EHBP1: variants seen among roughly 807,000 people sequenced by gnomAD.
EHBP1 encodes the protein EH domain binding protein 1.
In EHBP1, 55 loss-of-function variants were observed where a neutral mutation model predicts 144.0. The ratio of observed to expected loss-of-function variants is 0.38; its 90% CI spans 0.31 to 0.48. EHBP1 has a LOEUF of 0.48. Among genes scored for constraint, EHBP1 ranks in the 20% least tolerant of loss-of-function variants. The pLI, the probability that EHBP1 is intolerant of heterozygous loss-of-function variation, is 0.98. For synonymous variants in EHBP1, 469 were observed against 472.7 expected, an observed-to-expected ratio of 0.99 and a Z score of 0.10; for missense variants, 1,200 against 1,364.2, an observed-to-expected ratio of 0.88 and a Z score of 1.90.
intron 8 of EHBP1, among the ~76,000 whole-genome samples, chr2:62,861,582 AACAT>A (rs2049550951): frequency 6.6e-6 from 1 of 151,852 alleles, no homozygotes; most frequent in Admixed American, 6.5e-5. Flanking sequence ...GTCTCTACTT[AACAT>A]ACAAAAGTTA....
At chr2:62,777,817 G>A (rs1327001654) in intron 5 of EHBP1, among the ~76,000 whole-genome samples, 3 of 152,106 alleles carry the variant, frequency 2.0e-5, no homozygotes, top group South Asian at 2.1e-4. Flanking sequence ...CCTGGAGGAA[G>A]TGGCTACAGA....
chr2:63,041,249 AGCAGGAGTTTCATTCTACTGAACTAAGTT>A (rs1003497099), intron 21 of EHBP1, among the ~76,000 whole-genome samples: 4 of 152,188 alleles, frequency 2.6e-5, no homozygotes, highest in African/African-American at 7.2e-5. Context: ...TGTTTTTCAT[AGCAGGAGTTTCATTCTACTGAACTAAGTT>A]GTAGGATCCC....
rs2059946199 is a variant in EHBP1 at position 63,004,198 on chromosome 2, T to C, written c.3103+7432T>C. The stretch of plus-strand genomic sequence containing the variant: ...ATTTAAAGACTGGCATGCCATCCAA[T>C]TATTAAATGGTGGATACATGGATTT... On this transcript the variant is annotated intron_variant, in intron 19 of 22. Coordinates refer to ENST00000431489, the MANE Select transcript of EHBP1 (RefSeq NM_001142616.3). Among the ~76,000 whole-genome samples the C allele has an allele frequency of 4.6e-5, 7 of 152,188 alleles. No homozygotes were observed. In the South Asian group the frequency reaches 1.4e-3, roughly 31 times the overall value.
chr2:63,002,135 C>G (rs999477818), intron 19 of EHBP1, among the ~76,000 whole-genome samples: 8 of 152,130 alleles, frequency 5.3e-5, no homozygotes, highest in African/African-American at 1.7e-4. Context: ...AAGCATCTCA[C>G]TCTTTACTAA....
At chr2:63,012,947 A>G (rs2060330731) in intron 19 of EHBP1, among the ~76,000 whole-genome samples, 1 of 152,176 alleles carries the variant, frequency 6.6e-6, no homozygotes, top group Non-Finnish European at 1.5e-5. Context: ...TTAGCTCTTC[A>G]AAGTGAGTCT....
chr2:63,024,999 A>AG (rs1284274066), intron 19 of EHBP1, among the ~76,000 whole-genome samples: 1 of 149,600 alleles, frequency 6.7e-6, no homozygotes, highest in Non-Finnish European at 1.5e-5. Flanking sequence ...CACTCTGGGA[A>AG]AAAAAAAAAA....
At chr2:63,033,196 C>T (rs2061331063) in intron 19 of EHBP1, among the ~76,000 whole-genome samples, 1 of 152,176 alleles carries the variant, frequency 6.6e-6, no homozygotes, top group South Asian at 2.1e-4. Flanking sequence ...ATACCAGTTA[C>T]TTGGATACCT....
chr2:62,685,685 T>G (rs1399120120), intron 1 of EHBP1, among the ~76,000 whole-genome samples: 1 of 152,162 alleles, frequency 6.6e-6, no homozygotes, highest in Non-Finnish European at 1.5e-5. Context: ...CCCACATCAG[T>G]CCATAATATC....
intron 10 of EHBP1, among the ~76,000 whole-genome samples, chr2:62,906,761 C>T (rs2053843588): frequency 1.3e-5 from 2 of 152,146 alleles, no homozygotes; most frequent in African/African-American, 4.8e-5. Flanking sequence ...CACAAGGATA[C>T]CTGGAGTTGC....
At chr2:62,988,077 G>A in intron 15 of EHBP1, 1 of 1,170,460 alleles carries the variant, frequency 8.5e-7, no homozygotes, top group Non-Finnish European at 1.3e-6. Flanking sequence ...CCTGCTGCAT[G>A]GCAAACTTTA....
At chr2:62,957,641 CTTT>C (rs1157397512) in intron 14 of EHBP1, among the ~76,000 whole-genome samples, 4 of 87,170 alleles carry the variant, frequency 4.6e-5, no homozygotes, top group African/African-American at 1.5e-4. Flanking sequence ...AAAATAAATG[CTTT>C]TTTTTTTTTT....
chr2:62,882,752 C>T (rs990397753), intron 10 of EHBP1, among the ~76,000 whole-genome samples: 18 of 152,106 alleles, frequency 1.2e-4, no homozygotes, highest in African/African-American at 4.1e-4. Flanking sequence ...TGTGGTGGCG[C>T]ATGCCTGTAA....
chr2:62,701,878 A>T (rs2034290874), upstream of EHBP1, among the ~76,000 whole-genome samples: 1 of 152,226 alleles, frequency 6.6e-6, no homozygotes, highest in Admixed American at 6.5e-5. Flanking sequence ...CTGGAAAAAA[A>T]AAATACAAAA....
chr2:62,894,990 G>A (rs925780111), intron 10 of EHBP1, among the ~76,000 whole-genome samples: 1 of 151,722 alleles, frequency 6.6e-6, no homozygotes, highest in Non-Finnish European at 1.5e-5. Context: ...AGGCAGGGCT[G>A]CAGTACCTGA....
chr2:62,820,241 A>G lies in EHBP1; in HGVS notation c.313-5846A>G, dbSNP rs571350289. Among the ~76,000 whole-genome samples the G allele has an allele frequency of 2.7e-5, 4 of 150,638 alleles. No individual in the cohort carries two copies. In the South Asian group the frequency reaches 8.4e-4, roughly 32 times the overall value. On this transcript the variant is annotated intron_variant, in intron 5 of 22. Transcript: ENST00000431489. Reference sequence around the variant, plus strand: ...AAAAAAAAAGAAAAAAAAAAAAAAGAACATGATGTTGAAGATAAGAAACAA... The same window carrying G: ...AAAAAAAAAGAAAAAAAAAAAAAAGGACATGATGTTGAAGATAAGAAACAA...
intron 5 of EHBP1, among the ~76,000 whole-genome samples, chr2:62,784,650 TG>T (rs2042684583): frequency 6.6e-6 from 1 of 152,114 alleles, no homozygotes; most frequent in Admixed American, 6.5e-5. Flanking sequence ...GTGAAGAGAA[TG>T]GGGTCTGAGG....
At chr2:62,770,057 A>G (rs1402601554) in intron 4 of EHBP1, among the ~76,000 whole-genome samples, 6 of 152,304 alleles carry the variant, frequency 3.9e-5, no homozygotes, top group Non-Finnish European at 8.8e-5. Flanking sequence ...ACTCAAAACT[A>G]TAGAAACCCT....
At chr2:62,858,512 T>C (rs1158817273) in intron 7 of EHBP1, 1 of 1,597,240 alleles carries the variant, frequency 6.3e-7, no homozygotes, top group South Asian at 1.1e-5. Context: ...CCTCTGAAGG[T>C]CTAAGAGCTT....
At chr2:62,905,760 G>A (rs902523845) in intron 10 of EHBP1, among the ~76,000 whole-genome samples, 6 of 152,044 alleles carry the variant, frequency 3.9e-5, no homozygotes, top group Non-Finnish European at 7.4e-5. Context: ...GGAGGCAGAG[G>A]TTGAAGTGAG....
Sources: gnomAD v4.1 joint callset for allele counts (sites outside exome capture counted in the v4.1 genomes callset) on GRCh38, gnomAD v4.1.1 for gene constraint, MANE v1.5 for transcripts, NCBI Gene and HGNC (gene_info 2026-07-23, HGNC 2026-07-21) for gene names.